The following STPG2 variants were observed in gnomAD, a reference collection of about 807,000 sequenced individuals.
STPG2 encodes the protein sperm tail PG-rich repeat containing 2, also known as sperm-tail PG-rich repeat-containing protein 2.
STPG2 carries 56 observed loss-of-function variants against 54.2 expected under a neutral mutation model. The ratio of observed to expected loss-of-function variants is 1.03; its 90% CI spans 0.83 to 1.29. The LOEUF (loss-of-function observed/expected upper bound fraction) is 1.29. Ranked by LOEUF, STPG2 falls within the 50% of genes most tolerant of loss-of-function variation. The pLI is 0.00. For synonymous variants in STPG2, 200 were observed against 181.8 expected (o/e 1.10, Z -0.81); for missense variants, 596 against 544.9 (o/e 1.09, Z -0.93).
At chr4:97,457,425 C>T (rs1044887311) in intron 4 of STPG2, among the ~76,000 whole-genome samples, 35 of 152,204 alleles carry the variant, frequency 2.3e-4, no homozygotes, top group African/African-American at 8.2e-4. Context: ...TGAAACAAGA[C>T]TGAAGCTTAA....
intron 5 of STPG2, among the ~76,000 whole-genome samples, chr4:98,058,681 C>G (rs1302620076): frequency 6.6e-6 from 1 of 152,084 alleles, no homozygotes; most frequent in Non-Finnish European, 1.5e-5. Flanking sequence ...CAAAGACATT[C>G]AGGACCTGAA....
intron 4 of STPG2, among the ~76,000 whole-genome samples, chr4:97,459,086 G>T (rs983218446): frequency 5.3e-5 from 8 of 152,016 alleles, no homozygotes; most frequent in Admixed American, 5.2e-4. Context: ...TATTATATCT[G>T]GTAGATTCAA....
At chr4:97,721,647 C>A (rs1341387294) in intron 9 of STPG2, among the ~76,000 whole-genome samples, 1 of 151,998 alleles carries the variant, frequency 6.6e-6, no homozygotes, top group African/African-American at 2.4e-5. Flanking sequence ...GAAAGCTTAG[C>A]ATTTGTACAC....
At chr4:97,706,330 C>A (rs1723939932) in intron 10 of STPG2, among the ~76,000 whole-genome samples, 1 of 152,110 alleles carries the variant, frequency 6.6e-6, no homozygotes, top group Non-Finnish European at 1.5e-5. Flanking sequence ...GAAATAGTAA[C>A]CCCTAGTGTG....
At chr4:97,529,056 G>C (rs916216697) in intron 4 of STPG2, among the ~76,000 whole-genome samples, 11 of 152,128 alleles carry the variant, frequency 7.2e-5, no homozygotes, top group Admixed American at 3.3e-4. Flanking sequence ...TCCTTGTCTT[G>C]TGCCAGTTTT....
chr4:98,084,769 T>G (rs1160653269), intron 5 of STPG2, among the ~76,000 whole-genome samples: 1 of 152,180 alleles, frequency 6.6e-6, no homozygotes. Context: ...TTTTATAAAG[T>G]GCCAGTTCAA....
At chr4:97,786,197 T>TA (rs71588916) in intron 9 of STPG2, among the ~76,000 whole-genome samples, 3,412 of 147,922 alleles carry the variant, frequency 0.023, 44 homozygotes, top group Middle Eastern at 0.06. Context: ...GTTTGCCAAT[T>TA]AAAAAAAAAA....
At chr4:97,561,340 G>C (rs924078302) in intron 10 of STPG2, among the ~76,000 whole-genome samples, 2 of 152,110 alleles carry the variant, frequency 1.3e-5, no homozygotes, top group Non-Finnish European at 2.9e-5. Context: ...GTAGATTCTG[G>C]ATATTAGTCC....
chr4:97,778,573 T>G (rs1304883468), intron 9 of STPG2, among the ~76,000 whole-genome samples: 1 of 152,130 alleles, frequency 6.6e-6, no homozygotes, highest in African/African-American at 2.4e-5. Context: ...CTGACAGCTT[T>G]GAAGAGAGTA....
intron 5 of STPG2, among the ~76,000 whole-genome samples, chr4:97,992,368 CT>C (rs1213637162): frequency 6.6e-5 from 10 of 151,986 alleles, no homozygotes. Context: ...CCTTTCGCCA[CT>C]TTATGTTTTT....
intron 5 of STPG2, among the ~76,000 whole-genome samples, chr4:98,086,152 AAAG>A (rs1738496692): frequency 6.6e-6 from 1 of 152,192 alleles, no homozygotes; most frequent in Non-Finnish European, 1.5e-5. Flanking sequence ...ATTATTGAAT[AAAG>A]TAGTAAGCTT....
intron 5 of STPG2, among the ~76,000 whole-genome samples, chr4:97,981,983 C>T (rs1734696666): frequency 6.6e-6 from 1 of 151,078 alleles, no homozygotes; most frequent in African/African-American, 2.4e-5. Context: ...CTCCCGGGTT[C>T]ACACCATTTT....
At chr4:97,861,527 G>C (rs1056625358) in intron 8 of STPG2, among the ~76,000 whole-genome samples, 1 of 152,064 alleles carries the variant, frequency 6.6e-6, no homozygotes, top group African/African-American at 2.4e-5. Context: ...AAAGAAATCA[G>C]TATATCAAAG....
intron 9 of STPG2, among the ~76,000 whole-genome samples, chr4:97,768,357 TGCAAGG>T (rs1726122635): frequency 6.6e-6 from 1 of 152,178 alleles, no homozygotes; most frequent in Non-Finnish European, 1.5e-5. Context: ...TGTTACAGCC[TGCAAGG>T]TGGCCATTCT....
rs536917575 is a variant in STPG2, at chr4:97,495,252, T to G, written c.462+217447A>C. Among the ~76,000 whole-genome samples the G allele has an allele frequency of 3.6e-4, 55 of 151,650 alleles. 1 individual carries two copies. The highest frequency in any genetic ancestry group is 1.2e-3 in the African/African-American group (48 of 41,484). ...CCTTTATCCTATTATTCCTAGTAGTTTATCCCTATTTTCTTTTTTAAGTCA... is the reference window on the plus strand; with the variant it reads ...CCTTTATCCTATTATTCCTAGTAGTGTATCCCTATTTTCTTTTTTAAGTCA... On this transcript the variant is annotated intron_variant, in intron 4 of 4. Transcript: ENST00000522676.
intron 8 of STPG2, among the ~76,000 whole-genome samples, chr4:97,870,898 A>C (rs988352303): frequency 2.0e-5 from 3 of 151,286 alleles, no homozygotes; most frequent in African/African-American, 7.3e-5. Context: ...CCCCCAAAAA[A>C]TCATACATTT....
chr4:98,119,680 G>A (rs1214996), intron 3 of STPG2, among the ~76,000 whole-genome samples: 15,931 of 151,912 alleles, frequency 0.1, 1,165 homozygotes, highest in East Asian at 0.32. Context: ...GTGCCATGGT[G>A]GTTTGCTGCA....
chr4:97,688,666 A>G (rs138355778), intron 10 of STPG2, among the ~76,000 whole-genome samples: 3 of 152,314 alleles, frequency 2.0e-5, no homozygotes, highest in Non-Finnish European at 4.4e-5. Context: ...TAGGTATCAG[A>G]TTATGTCAAA....
At chr4:97,799,756 T>G (rs1727321206) in intron 9 of STPG2, among the ~76,000 whole-genome samples, 1 of 146,284 alleles carries the variant, frequency 6.8e-6, no homozygotes, top group Non-Finnish European at 1.5e-5. Context: ...GAAGTTTTCC[T>G]GGATAATATT....
Sources: allele counts gnomAD v4.1 joint callset (sites outside exome capture counted in the v4.1 genomes callset), GRCh38; gene constraint gnomAD v4.1.1; transcripts MANE v1.5; gene names NCBI Gene and HGNC (gene_info 2026-07-23, HGNC 2026-07-21).